Variants in MYO16 observed in about 807,000 individuals in gnomAD.
MYO16 encodes the protein myosin XVI.
Under a neutral mutation model 205.3 loss-of-function variants are expected in MYO16, and 94 were observed. The observed-to-expected ratio is 0.46, with a 90% CI of 0.39 to 0.54. The LOEUF is 0.54. MYO16 is among the 20% of genes least tolerant of loss of function. The pLI is 0.00. For missense variants in MYO16, 2,315 were observed against 2,387.5 expected, an observed-to-expected ratio of 0.97 and a Z score of 0.63; for synonymous variants, 988 against 954.0, an observed-to-expected ratio of 1.04 and a Z score of -0.66.
chr13:109,090,837 G>T (rs116311967), intron 27 of MYO16, among the ~76,000 whole-genome samples: 3,022 of 152,206 alleles, frequency 0.02, 41 homozygotes, highest in Middle Eastern at 0.037. Flanking sequence ...AAGCACTTCT[G>T]CAATCCCCGC....
At chr13:108,733,218 T>C (rs1884580837) in intron 4 of MYO16, among the ~76,000 whole-genome samples, 1 of 152,160 alleles carries the variant, frequency 6.6e-6, no homozygotes, top group Non-Finnish European at 1.5e-5. Context: ...ATGTGTTTTG[T>C]TTTGGAGGAG....
At chr13:109,123,215 G>A (rs1876075442) in intron 29 of MYO16, among the ~76,000 whole-genome samples, 1 of 152,282 alleles carries the variant, frequency 6.6e-6, no homozygotes. Flanking sequence ...AGCAACTGGT[G>A]TAACATTTTT....
chr13:108,933,461 A>G (rs75080525), intron 16 of MYO16, among the ~76,000 whole-genome samples: 3 of 152,134 alleles, frequency 2.0e-5, no homozygotes, highest in Non-Finnish European at 4.4e-5. Context: ...ATTTTAAGAT[A>G]TATTAGATAT....
intron 1 of MYO16, among the ~76,000 whole-genome samples, chr13:108,655,099 A>ATT (rs1881184409): frequency 6.6e-6 from 1 of 151,784 alleles, no homozygotes. Flanking sequence ...CAAGCAGCCG[A>ATT]ATGTTAATCC....
chr13:108,955,128 C>T (rs1883299864), intron 16 of MYO16, among the ~76,000 whole-genome samples: 3 of 152,220 alleles, frequency 2.0e-5, no homozygotes, highest in African/African-American at 7.2e-5. Context: ...GGTTGCCCTG[C>T]TCCCCTGAGA....
chr13:108,541,833 A>T, the MYO16 span, among the ~76,000 whole-genome samples: 2 of 152,194 alleles, frequency 1.3e-5, no homozygotes, highest in Non-Finnish European at 2.9e-5. Context: ...GAGCTTGTGG[A>T]GAAATGAGAA....
rs1425568682 is a variant in MYO16 at position 108,860,907 on chromosome 13, TC to T, written c.1360-5269del. On this transcript the variant is annotated intron_variant, in intron 11 of 34. Transcript: ENST00000457511. ...TTAATCAACAGATTTCTAAATTCAC[TC>T]ACAATCTGCTTTCTAGCTCAATTTT... Among the ~76,000 whole-genome samples the T allele has an allele frequency of 8.5e-5, 13 of 152,288 alleles. No individual in the cohort carries two copies. In the South Asian group the frequency reaches 1.0e-3, roughly 12 times the overall value.
intron 4 of MYO16, among the ~76,000 whole-genome samples, chr13:108,761,334 G>A (rs892157382): frequency 6.6e-6 from 1 of 151,864 alleles, no homozygotes; most frequent in Non-Finnish European, 1.5e-5. Context: ...ACAAGATTCC[G>A]CAAACAGATT....
chr13:109,183,769 C>T (rs958761595), intron 34 of MYO16, among the ~76,000 whole-genome samples: 1 of 152,038 alleles, frequency 6.6e-6, no homozygotes, highest in Non-Finnish European at 1.5e-5. Context: ...TCGTAAGAAA[C>T]CATTCATGGT....
intron 28 of MYO16, among the ~76,000 whole-genome samples, chr13:109,105,209 G>A (rs1450410999): frequency 3.9e-5 from 6 of 152,222 alleles, no homozygotes; most frequent in African/African-American, 1.4e-4. Context: ...AGTGGCTCAT[G>A]CCTATAATAC....
At chr13:108,924,375 T>A (rs1180576608) in intron 16 of MYO16, among the ~76,000 whole-genome samples, 1 of 152,186 alleles carries the variant, frequency 6.6e-6, no homozygotes, top group Non-Finnish European at 1.5e-5. Flanking sequence ...CTTCCCACCT[T>A]CCAACTCTAC....
At chr13:109,030,037 C>T (rs1886499283) in intron 23 of MYO16, among the ~76,000 whole-genome samples, 1 of 151,984 alleles carries the variant, frequency 6.6e-6, no homozygotes, top group Admixed American at 6.6e-5. Flanking sequence ...TCAGCTGTGT[C>T]AATTTCAAGG....
rs61971799 is a variant in MYO16, at chr13:108,652,159, G to A, written c.29-13727G>A. ...GATACCAATGTGTGTGTGTGTGCGC[G>A]CGCGCGCATGTGTGCGCGTGTGTGT... On this transcript the variant is annotated intron_variant, in intron 1 of 34. Transcript: ENST00000457511. Among the ~76,000 whole-genome samples, 398 of 151,272 alleles carry A rather than the reference G, an allele frequency of 2.6e-3. 1 individual carries two copies. The highest frequency in any genetic ancestry group is 4.0e-3 in the Non-Finnish European group (272 of 67,850).
chr13:108,976,771 A>G (rs576573808), intron 20 of MYO16, among the ~76,000 whole-genome samples: 19 of 152,350 alleles, frequency 1.2e-4, no homozygotes, highest in Admixed American at 1.0e-3. Flanking sequence ...CATTTCATGC[A>G]TAAAAGCCTC....
chr13:108,621,845 T>C (rs1055248215), intron 1 of MYO16, among the ~76,000 whole-genome samples: 3 of 152,210 alleles, frequency 2.0e-5, no homozygotes, highest in Non-Finnish European at 2.9e-5. Flanking sequence ...CACATTCACC[T>C]AACTTTTATT....
intron 27 of MYO16, among the ~76,000 whole-genome samples, chr13:109,069,037 A>G (rs35075741): frequency 0.067 from 10,185 of 152,268 alleles, 385 homozygotes; most frequent in Non-Finnish European, 0.084. Flanking sequence ...ACATTGTCCA[A>G]TGTAGTTCAT....
the MYO16 span, among the ~76,000 whole-genome samples, chr13:108,562,919 A>G: frequency 6.6e-6 from 1 of 152,140 alleles, no homozygotes; most frequent in Non-Finnish European, 1.5e-5. Context: ...TGTGATATCC[A>G]TATGTATACA....
chr13:109,011,578 G>A (rs1198473293), intron 22 of MYO16, among the ~76,000 whole-genome samples: 1 of 149,700 alleles, frequency 6.7e-6, no homozygotes, highest in Non-Finnish European at 1.5e-5. Flanking sequence ...GCAGTGGCGC[G>A]ATCTCGGCTC....
At chr13:109,029,107 CTTTTCTTTTTTTT>C (rs1299453150) in intron 23 of MYO16, among the ~76,000 whole-genome samples, 2 of 69,160 alleles carry the variant, frequency 2.9e-5, no homozygotes, top group African/African-American at 9.4e-5. Context: ...AACATTTTTT[CTTTTCTTTTTTTT>C]TTTTTTTTTT....
Sources: allele counts gnomAD v4.1 joint callset (sites outside exome capture counted in the v4.1 genomes callset), GRCh38; gene constraint gnomAD v4.1.1; transcripts MANE v1.5; gene names NCBI Gene and HGNC (gene_info 2026-07-23, HGNC 2026-07-21).